Variants in DLGAP3 observed in about 807,000 individuals in gnomAD.
DLGAP3 encodes the protein DLG associated protein 3, also known as disks large-associated protein 3.
DLGAP3 carries 17 observed loss-of-function variants against 81.2 expected under a neutral mutation model. The observed-to-expected ratio is 0.21, with a 90% CI of 0.14 to 0.31. The LOEUF (loss-of-function observed/expected upper bound fraction) is 0.31. Ranked by LOEUF, DLGAP3 falls within the 10% of genes least tolerant of loss-of-function variation. The probability of loss-of-function intolerance (pLI) is 1.00; values close to 1 mark genes in which losing one functional copy is unlikely to be tolerated. For missense variants in DLGAP3, 1,124 were observed against 1,388.0 expected (o/e 0.81, Z 3.02); for synonymous variants, 577 against 587.4 (o/e 0.98, Z 0.26).
In DLGAP3 at chr1:34,900,087, C is replaced by T. The variant is rs377551672; in HGVS notation, c.1294G>A (p.Val432Met). The T allele has an allele frequency of 2.2e-5, 35 of 1,613,472 alleles. No individual in the cohort carries two copies. The highest frequency in any genetic ancestry group is 2.6e-5 in the Non-Finnish European group (31 of 1,180,028). Residue 432 changes from valine (V) to methionine (M), a missense_variant, in exon 4 of 12, where the codon GTG (valine) becomes ATG (methionine). By Grantham distance (21) the Val-to-Met change is conservative. This residue lies in a region of DLGAP3 where 357 missense variants were observed against 408.8 expected (regional missense o/e 0.87). Coordinates refer to ENST00000373347, the MANE Select transcript of DLGAP3 (RefSeq NM_001080418.3). The surrounding 1 kb of genome is among the most constrained non-coding windows in gnomAD (Gnocchi z 5.6). ...RRFTTRRSSSVDQARINCCVP... is the reference protein window; with the variant it reads ...RRFTTRRSSSMDQARINCCVP... The stretch of plus-strand genomic sequence containing the variant: ...CCTTACTTGATCCTGGCCTGGTCCA[C>T]GCTGGAGGAGCGACGGGTGGTGAAG...
chr1:34,881,551 A>G (rs1341254296), intron 8 of DLGAP3, among the ~76,000 whole-genome samples: 1 of 152,042 alleles, frequency 6.6e-6, no homozygotes, highest in East Asian at 1.9e-4. Context: ...GATGTACAAA[A>G]TAGAAGGAGC....
At chr1:34,924,357 A>G (rs1366040828) in intron 1 of DLGAP3, among the ~76,000 whole-genome samples, 1 of 151,932 alleles carries the variant, frequency 6.6e-6, no homozygotes, top group Admixed American at 6.6e-5. Flanking sequence ...CACTCCTTGA[A>G]TCCTTTGCTT....
chr1:34,892,574 C>T (rs972095301), intron 5 of DLGAP3, among the ~76,000 whole-genome samples: 21 of 152,212 alleles, frequency 1.4e-4, no homozygotes, highest in African/African-American at 5.1e-4. Context: ...TATTCACAGG[C>T]ACAATCATAA....
chr1:34,918,553 C>A (rs1017614047), intron 1 of DLGAP3, among the ~76,000 whole-genome samples: 1 of 152,184 alleles, frequency 6.6e-6, no homozygotes, highest in South Asian at 2.1e-4. Flanking sequence ...GAGGCCCGGG[C>A]AGGGGGGCTC....
At position 34,905,130 on chromosome 1, in the gene DLGAP3, C is replaced by T. The variant is rs779892833; in HGVS notation, c.254G>A (p.Gly85Asp). The change falls in exon 3 of 12, where the codon GGT (glycine) becomes GAT (aspartate). Residue 85 changes from glycine (G) to aspartate (D), a missense_variant. Gly to Asp is a moderately conservative substitution (Grantham distance 94). Around this residue, in one of 9 missense-constraint regions of DLGAP3, gnomAD observed 167 missense variants for 172.1 expected, o/e 0.97. Coordinates refer to ENST00000373347, the MANE Select transcript of DLGAP3 (RefSeq NM_001080418.3). ...GGPAGAGVGG[G>D]SSTFPRMYPG... ...GTACATCCTGGGGAAGGTGCTGCTA[C>T]CCCCCCCAACCCCGGCCCCCGCTGG... is the stretch of plus-strand genomic sequence containing the variant. 2 of 1,549,840 alleles carry T rather than the reference C, an allele frequency of 1.3e-6. No individual in the cohort carries two copies. Among genetic ancestry groups the T allele is most frequent in the Non-Finnish European group, 1.7e-6 (2 of 1,143,098 alleles).
At chr1:34,917,707 G>A (rs1158038304) in intron 1 of DLGAP3, among the ~76,000 whole-genome samples, 1 of 152,268 alleles carries the variant, frequency 6.6e-6, no homozygotes, top group Non-Finnish European at 1.5e-5. Flanking sequence ...TTAAATACAT[G>A]TCCACATGTT....
Position 34,905,019 on chromosome 1 carries a change from A to T in DLGAP3, c.365T>A (p.Leu122Gln), listed in dbSNP as rs2148412550. Residue 122 changes from leucine (L) to glutamine (Q), a missense_variant, in exon 3 of 12, where the codon CTG becomes CAG. Around this residue, in one of 9 missense-constraint regions of DLGAP3, gnomAD observed 167 missense variants for 172.1 expected, o/e 0.97. Transcript: ENST00000373347. ...KGAPRLPPTLLDQFEKQLPVQ... is the reference protein window; with the variant it reads ...KGAPRLPPTLQDQFEKQLPVQ... ...TGGCAACTGCTTTTCAAACTGATCC[A>T]GGAGTGTAGGAGGCAGGCGGGGGGC... is the stretch of plus-strand genomic sequence containing the variant. 1 of 1,610,490 alleles carries T rather than the reference A, an allele frequency of 6.2e-7. No individual in the cohort carries two copies. The highest frequency in any genetic ancestry group is 8.5e-7 in the Non-Finnish European group (1 of 1,178,412).
At chr1:34,911,061 C>T (rs1639633641) in intron 1 of DLGAP3, among the ~76,000 whole-genome samples, 1 of 128,142 alleles carries the variant, frequency 7.8e-6, no homozygotes, top group South Asian at 2.5e-4. Flanking sequence ...GAAGAAGAAA[C>T]TGAGGTTTGG....
intron 5 of DLGAP3, among the ~76,000 whole-genome samples, chr1:34,896,415 C>T (rs542104340): frequency 2.0e-4 from 31 of 152,108 alleles, no homozygotes; most frequent in African/African-American, 6.5e-4. Flanking sequence ...AGTGAAACCC[C>T]GTCTCTACTA....
intron 1 of DLGAP3, among the ~76,000 whole-genome samples, chr1:34,926,811 G>A (rs1265348276): frequency 1.3e-5 from 2 of 152,134 alleles, no homozygotes; most frequent in Non-Finnish European, 2.9e-5. Context: ...GGGTTTGGGG[G>A]TAACTACAGA....
At position 34,886,943 on chromosome 1, in the gene DLGAP3, C is replaced by CTTTTTTTT. The variant is rs949966445; in HGVS notation, c.1387-666_1387-659dup. Among the ~76,000 whole-genome samples the CTTTTTTTT allele has an allele frequency of 1.6e-4, 10 of 64,308 alleles. No homozygotes were observed. In the East Asian group the frequency reaches 2.2e-3, roughly 14 times the overall value. The allele number at this position is 64,308 out of a possible 152,430, so 42.2% of individuals were successfully genotyped here. On this transcript the variant is annotated intron_variant, in intron 5 of 11. Coordinates refer to ENST00000373347, the MANE Select transcript of DLGAP3 (RefSeq NM_001080418.3). ...AGTGTCCCAAGCCTTCCCCCACCTT[C>CTTTTTTTT]TTTTTTTTTTTTTTTTTTTTTTTTT...
chr1:34,905,878 T>C (rs1266054222), intron 2 of DLGAP3, among the ~76,000 whole-genome samples: 2 of 151,422 alleles, frequency 1.3e-5, no homozygotes, highest in Non-Finnish European at 2.9e-5. Context: ...TGGTGGCATA[T>C]GCCTGTAGTC....
At chr1:34,906,902 A>C (rs1639564196) in intron 2 of DLGAP3, among the ~76,000 whole-genome samples, 1 of 152,172 alleles carries the variant, frequency 6.6e-6, no homozygotes, top group African/African-American at 2.4e-5. Context: ...GAGCTACGGC[A>C]GGAGGGAGTG....
intron 3 of DLGAP3, among the ~76,000 whole-genome samples, chr1:34,901,075 C>T (rs566362674): frequency 6.6e-6 from 1 of 151,844 alleles, no homozygotes; most frequent in Non-Finnish European, 1.5e-5. Flanking sequence ...GTGGTAGGGT[C>T]GGGGTTGAGC....
chr1:34,886,204 G>C lies in DLGAP3; in HGVS notation c.1468C>G (p.Leu490Val). The change falls in exon 6 of 12, where the codon CTG (leucine) becomes GTG (valine). Residue 490 changes from leucine to valine, a missense_variant. Around this residue, in one of 9 missense-constraint regions of DLGAP3, gnomAD observed 357 missense variants for 408.8 expected, o/e 0.87. Transcript: ENST00000373347. ...ATGCGGAAACAGCCGGGCAGGTCCA[G>C]GGCGTCCACGGCCTGGGACTCCAGC... ...GELESQAVDALDLPGCFRMRS... is the reference protein window; with the variant it reads ...GELESQAVDAVDLPGCFRMRS... 2 of 1,611,382 alleles carry C rather than the reference G, an allele frequency of 1.2e-6. No individual in the cohort carries two copies. The highest frequency in any genetic ancestry group is 1.7e-6 in the Non-Finnish European group (2 of 1,179,334).
intron 5 of DLGAP3, among the ~76,000 whole-genome samples, chr1:34,896,143 C>T (rs1421931196): frequency 6.6e-6 from 1 of 152,076 alleles, no homozygotes; most frequent in African/African-American, 2.4e-5. Context: ...GTTCTCCAAA[C>T]AACAACATAA....
chr1:34,926,432 C>T (rs2148422957), intron 1 of DLGAP3, among the ~76,000 whole-genome samples: 1 of 152,320 alleles, frequency 6.6e-6, no homozygotes, highest in South Asian at 2.1e-4. Flanking sequence ...GCTGAGCCAG[C>T]AGCCTTCAGA....
chr1:34,922,246 C>A (rs190176413), intron 1 of DLGAP3, among the ~76,000 whole-genome samples: 1 of 152,276 alleles, frequency 6.6e-6, no homozygotes, highest in African/African-American at 2.4e-5. Flanking sequence ...ACAGTTGGCT[C>A]CCAAGGACAT....
intron 1 of DLGAP3, among the ~76,000 whole-genome samples, chr1:34,919,860 T>A (rs1173444765): frequency 6.6e-6 from 1 of 152,170 alleles, no homozygotes; most frequent in Non-Finnish European, 1.5e-5. Context: ...AAATGTGTTA[T>A]ACAAATGGGG....
Sources: allele counts gnomAD v4.1 joint callset (sites outside exome capture counted in the v4.1 genomes callset), GRCh38; gene constraint gnomAD v4.1.1; regional missense constraint gnomAD v4.1.1; non-coding constraint Gnocchi (gnomAD v3.1); transcripts MANE v1.5; gene names NCBI Gene and HGNC (gene_info 2026-07-23, HGNC 2026-07-21).